KIF26B: variants seen among roughly 807,000 people sequenced by gnomAD.
The protein encoded by KIF26B is kinesin-like protein KIF26B.
Under a neutral mutation model 151.2 loss-of-function variants are expected in KIF26B, and 63 were observed. The observed-to-expected ratio is 0.42, with a 90% CI of 0.34 to 0.51. KIF26B has a LOEUF of 0.51. Among genes scored for constraint, KIF26B ranks in the 20% least tolerant of loss-of-function variants. KIF26B has a pLI of 0.07. For missense variants in KIF26B, 2,813 were observed against 2,913.6 expected (o/e 0.97, Z 0.79); for synonymous variants, 1,357 against 1,262.1 (o/e 1.08, Z -1.59).
chr1:245,609,842 C>T (rs899321563), intron 8 of KIF26B, among the ~76,000 whole-genome samples: 8 of 152,072 alleles, frequency 5.3e-5, no homozygotes, highest in Non-Finnish European at 7.3e-5. Flanking sequence ...AACAACAAAC[C>T]GGAATATTTA....
chr1:245,658,195 T>G (rs370685900), intron 10 of KIF26B, among the ~76,000 whole-genome samples: 1 of 152,226 alleles, frequency 6.6e-6, no homozygotes, highest in Admixed American at 6.5e-5. Flanking sequence ...GAGATCCATC[T>G]TGATGCGCAC....
chr1:245,265,800 GT>G lies in KIF26B; in HGVS notation c.466-101030del, dbSNP rs200761337. Among the ~76,000 whole-genome samples the G allele has an allele frequency of 9.7e-3, 1,477 of 152,122 alleles. 13 individuals are homozygous for G. Among genetic ancestry groups the G allele is most frequent in the East Asian group, 0.069 (355 of 5,176 alleles). Reference sequence around the variant, plus strand: ...CTTTTGTATTTTATACAGAGATGGGGTTTTGCCATGTTGCTCAAGCTGGTTT... The same window carrying G: ...CTTTTGTATTTTATACAGAGATGGGGTTTGCCATGTTGCTCAAGCTGGTTT... On this transcript the variant is annotated intron_variant, in intron 2 of 14. Transcript: ENST00000407071.
intron 2 of KIF26B, among the ~76,000 whole-genome samples, chr1:245,168,099 T>A (rs1224917384): frequency 6.6e-6 from 1 of 152,178 alleles, no homozygotes; most frequent in African/African-American, 2.4e-5. Context: ...TGGTAGTCGG[T>A]GGGCTCTAAG....
Position 245,686,655 on chromosome 1 carries a change from G to A in KIF26B, c.3672G>A (p.Ser1224=), listed in dbSNP as rs373047212. The A allele has an allele frequency of 2.9e-5, 47 of 1,611,002 alleles. No homozygotes were observed. The South Asian group carries it at 3.5e-4, about 12-fold the overall frequency. Reference sequence around the variant, plus strand: ...ACTGCTCTGCACGGGCCCTGGCCTCGGGCTCGCGGCCCGTCAGCATCATCA... The same window carrying A: ...ACTGCTCTGCACGGGCCCTGGCCTCAGGCTCGCGGCCCGTCAGCATCATCA... ...NSDCSARALA[S]GSRPVSIISS... is the part of the protein sequence containing the mutation. The change falls in exon 12 of 15, where the codon TCG becomes TCA. Residue 1224 remains serine, a synonymous_variant. Transcript: ENST00000407071. This position sits in a 1 kb window ranked among gnomAD's most constrained non-coding sequence, Gnocchi z 5.6.
intron 10 of KIF26B, among the ~76,000 whole-genome samples, chr1:245,648,461 C>A (rs2043977335): frequency 6.6e-6 from 1 of 151,724 alleles, no homozygotes. Context: ...ATGGCAAAAA[C>A]CTGTCTCTAC....
At position 245,175,998 on chromosome 1, in the gene KIF26B, A is replaced by G. The variant is rs540661862; in HGVS notation, c.465+19315A>G. 6.7e-5 allele frequency among the ~76,000 whole-genome samples: 10 copies of G among 149,164 alleles called. No individual in the cohort carries two copies. The East Asian group carries it at 2.0e-3, about 29-fold the overall frequency. On this transcript the variant is annotated intron_variant, in intron 2 of 14. Coordinates refer to ENST00000407071, the MANE Select transcript of KIF26B (RefSeq NM_018012.4). ...CATCTATATATATAGATATAGATAT[A>G]TAGATATAGATATAGATATTTTTTT...
At chr1:245,487,339 C>T (rs562207688) in intron 4 of KIF26B, among the ~76,000 whole-genome samples, 2 of 152,240 alleles carry the variant, frequency 1.3e-5, no homozygotes, top group East Asian at 1.9e-4. Flanking sequence ...CAAAATGAAA[C>T]AGAGGGACTC....
chr1:245,622,730 C>CCAGG (rs753633722), intron 9 of KIF26B, among the ~76,000 whole-genome samples: 18 of 152,070 alleles, frequency 1.2e-4, no homozygotes, highest in Non-Finnish European at 2.1e-4. Flanking sequence ...AGGAGGCAGG[C>CCAGG]CAGGTATGAG....
At chr1:245,659,416 T>G (rs1207946707) in intron 10 of KIF26B, among the ~76,000 whole-genome samples, 1 of 152,202 alleles carries the variant, frequency 6.6e-6, no homozygotes, top group African/African-American at 2.4e-5. Context: ...GCCCGCAGGC[T>G]TCCTGTGGCC....
At chr1:245,162,286 G>A (rs1051547267) in intron 2 of KIF26B, among the ~76,000 whole-genome samples, 3 of 151,076 alleles carry the variant, frequency 2.0e-5, no homozygotes, top group Non-Finnish European at 4.4e-5. Context: ...CCTGTTTCTC[G>A]TCTATGGTGT....
intron 3 of KIF26B, among the ~76,000 whole-genome samples, chr1:245,390,681 A>G (rs1278625125): frequency 1.2e-4 from 18 of 152,080 alleles, no homozygotes. Context: ...AAACCAACAA[A>G]CTATGGTTAT....
chr1:245,627,471 G>C (rs2043736371), intron 9 of KIF26B, among the ~76,000 whole-genome samples: 1 of 152,112 alleles, frequency 6.6e-6, no homozygotes, highest in Non-Finnish European at 1.5e-5. Flanking sequence ...GAAGCTCTGG[G>C]ACACCGCTAA....
chr1:245,291,754 G>C (rs75240297), intron 2 of KIF26B, among the ~76,000 whole-genome samples: 4,517 of 152,264 alleles, frequency 0.03, 232 homozygotes, highest in African/African-American at 0.1. Context: ...TTTAAGCTGC[G>C]ACCTAAGAGG....
intron 5 of KIF26B, among the ~76,000 whole-genome samples, chr1:245,543,180 A>G (rs1385922748): frequency 2.6e-5 from 4 of 152,150 alleles, no homozygotes; most frequent in Non-Finnish European, 5.9e-5. Flanking sequence ...GAATTCTGAG[A>G]CAAGGACATC....
rs559689227 is a variant in KIF26B at position 245,570,360 on chromosome 1, C to T, written c.1350+29410C>T. On this transcript the variant is annotated intron_variant, in intron 5 of 14. Transcript: ENST00000407071. Reference sequence around the variant, plus strand: ...TCTTCTGCACATCCCACATTCGGTCCATCACCAAATTCTGTTAATTTTTTC... The same window carrying T: ...TCTTCTGCACATCCCACATTCGGTCTATCACCAAATTCTGTTAATTTTTTC... Among the ~76,000 whole-genome samples, 6 of 152,260 alleles carry T rather than the reference C, an allele frequency of 3.9e-5. No individual in the cohort carries two copies. In the South Asian group the frequency reaches 1.2e-3, roughly 32 times the overall value.
At chr1:245,612,486 T>G (rs2043538544) in intron 9 of KIF26B, among the ~76,000 whole-genome samples, 1 of 152,218 alleles carries the variant, frequency 6.6e-6, no homozygotes, top group Non-Finnish European at 1.5e-5. Context: ...TGGGCTGAAG[T>G]TCACTTTTGA....
intron 2 of KIF26B, among the ~76,000 whole-genome samples, chr1:245,300,537 T>TC (rs2102977351): frequency 6.6e-6 from 1 of 151,718 alleles, no homozygotes; most frequent in East Asian, 1.9e-4. Context: ...CTTTTTTCTT[T>TC]TTTTTTTTTG....
chr1:245,279,909 T>C (rs1362365991), intron 2 of KIF26B, among the ~76,000 whole-genome samples: 2 of 152,160 alleles, frequency 1.3e-5, no homozygotes, highest in African/African-American at 2.4e-5. Context: ...TTTAGCTTCA[T>C]TGATTTGGCT....
chr1:245,187,523 A>C lies in KIF26B; in HGVS notation c.465+30840A>C, dbSNP rs548943888. ...CAAAAAAAGACCTTTGACACTAGGC[A>C]TAACTAGTGGTTTGGTTAATGCAGA... is the stretch of plus-strand genomic sequence containing the variant. On this transcript the variant is annotated intron_variant, in intron 2 of 14. Coordinates refer to ENST00000407071, the MANE Select transcript of KIF26B (RefSeq NM_018012.4). 2.6e-5 allele frequency among the ~76,000 whole-genome samples: 4 copies of C among 152,372 alleles called. No homozygotes were observed. In the South Asian group the frequency reaches 8.3e-4, roughly 32 times the overall value.
Sources: allele counts gnomAD v4.1 joint callset (sites outside exome capture counted in the v4.1 genomes callset), GRCh38; gene constraint gnomAD v4.1.1; non-coding constraint Gnocchi (gnomAD v3.1); transcripts MANE v1.5; gene names NCBI Gene and HGNC (gene_info 2026-07-23, HGNC 2026-07-21).